CDK15: variants seen among roughly 807,000 people sequenced by gnomAD.
CDK15 encodes the protein cyclin-dependent kinase 15.
A neutral mutation model predicts 60.3 loss-of-function variants in CDK15; 62 were observed. The observed-to-expected ratio is 1.03, with a 90% CI of 0.84 to 1.27. The LOEUF is 1.27. Ranked by LOEUF, CDK15 falls within the 50% of genes most tolerant of loss-of-function variation. The probability of loss-of-function intolerance (pLI) is 0.00; values close to 1 mark genes in which losing one functional copy is unlikely to be tolerated. For synonymous variants in CDK15, 194 were observed against 195.7 expected (o/e 0.99, Z 0.07); for missense variants, 541 against 527.8 (o/e 1.03, Z -0.25).
rs183540554 is a variant in CDK15 at position 201,882,258 on chromosome 2, C to T, written c.1198+2091C>T. On this transcript the variant is annotated intron_variant, in intron 12 of 13. Coordinates refer to ENST00000652192, the MANE Select transcript of CDK15 (RefSeq NM_001366386.2). This position sits in a 1 kb window ranked among gnomAD's most constrained non-coding sequence, Gnocchi z 4.0. ...GAACAATCTGTATTCCTTCCCTGTT[C>T]GCCCAGTCACAGAGCCCAAATCTAC... Among the ~76,000 whole-genome samples, 239 of 151,634 alleles carry T rather than the reference C, an allele frequency of 1.6e-3. No homozygotes were observed. The highest frequency in any genetic ancestry group is 3.4e-3 in the Middle Eastern group (1 of 292).
At chr2:201,849,140 G>A (rs922949210) in intron 9 of CDK15, among the ~76,000 whole-genome samples, 4 of 152,082 alleles carry the variant, frequency 2.6e-5, no homozygotes, top group East Asian at 1.9e-4. Flanking sequence ...CTGAACTTTC[G>A]TTTCCTTGTC....
chr2:201,873,614 G>A (rs887036224), intron 11 of CDK15, among the ~76,000 whole-genome samples: 1 of 152,202 alleles, frequency 6.6e-6, no homozygotes, highest in South Asian at 2.1e-4. Context: ...TTCGAGGGCT[G>A]AGCAAGGCTT....
At chr2:201,835,034 G>A (rs749211992) in intron 7 of CDK15, among the ~76,000 whole-genome samples, 4 of 152,170 alleles carry the variant, frequency 2.6e-5, no homozygotes, top group Admixed American at 6.5e-5. Context: ...AGTCCCTACC[G>A]TTTATCTACT....
At chr2:201,812,659 C>A (rs750987427) in intron 4 of CDK15, 97 bp downstream of exon 4, 2 of 604,928 alleles carry the variant, frequency 3.3e-6, no homozygotes, top group South Asian at 3.2e-5. Flanking sequence ...AGTTTTGATT[C>A]TTCTGGAATA....
chr2:201,880,886 C>T (rs1390655108), intron 12 of CDK15, among the ~76,000 whole-genome samples: 1 of 151,806 alleles, frequency 6.6e-6, no homozygotes, highest in Non-Finnish European at 1.5e-5. Flanking sequence ...GAAAAAAAAT[C>T]CACCATTCAA....
intron 12 of CDK15, among the ~76,000 whole-genome samples, chr2:201,884,407 A>G (rs779154535): frequency 3.8e-4 from 58 of 152,256 alleles, no homozygotes; most frequent in Non-Finnish European, 6.6e-4. Context: ...ATATACACAT[A>G]GGGATGGAAG....
At chr2:201,877,444 T>C (rs1431102362) in intron 11 of CDK15, among the ~76,000 whole-genome samples, 1 of 152,142 alleles carries the variant, frequency 6.6e-6, no homozygotes, top group Non-Finnish European at 1.5e-5. Flanking sequence ...GAAGTTCATA[T>C]TTAACCAGAA....
In CDK15 at chr2:201,880,049, T is replaced by A. The variant is rs1368552952; in HGVS notation, c.1080T>A (p.Ala360=). The change falls in exon 12 of 14, where the codon GCT becomes GCA. Residue 360 remains alanine, a synonymous_variant. Transcript: ENST00000652192. ...VWNRLGRVPE[A]EDLASQMLKG... Reference sequence around the variant, plus strand: ...CCAGGCTGGGCAGGGTTCCTGAAGCTGAAGACCTGGCCTCCCAGATGCTAA... The same window carrying A: ...CCAGGCTGGGCAGGGTTCCTGAAGCAGAAGACCTGGCCTCCCAGATGCTAA... The A allele has an allele frequency of 1.2e-6, 2 of 1,614,158 alleles. No homozygotes were observed. Among genetic ancestry groups the A allele is most frequent in the Admixed American group, 3.3e-5 (2 of 60,012 alleles).
At chr2:201,865,361 CT>C (rs1698577405) in intron 10 of CDK15, among the ~76,000 whole-genome samples, 1 of 152,210 alleles carries the variant, frequency 6.6e-6, no homozygotes, top group Admixed American at 6.5e-5. Flanking sequence ...TTCCCTCCAC[CT>C]TCTCCATCCA....
chr2:201,820,923 G>A (rs988387591), intron 4 of CDK15, among the ~76,000 whole-genome samples: 2 of 152,192 alleles, frequency 1.3e-5, no homozygotes, highest in Non-Finnish European at 2.9e-5. Context: ...TAACAGGTGT[G>A]ATGGAGCTCC....
At chr2:201,834,042 G>T in intron 7 of CDK15, 71 bp downstream of exon 7, 2 of 1,549,040 alleles carry the variant, frequency 1.3e-6, no homozygotes, top group Non-Finnish European at 1.7e-6. Flanking sequence ...TTTAAGCGTT[G>T]ACTGGGCCTG....
rs969842226 is a variant in CDK15 at position 201,835,651 on chromosome 2, C to CG, written c.742dup (p.Ala248GlyfsTer22). ...TTTTCCCTTTTGGACAGGTCTTGCC[C>CG]GGGCCAAGTCCATTCCCAGCCAGAC... On this transcript the variant is annotated frameshift_variant, in exon 8 of 14. Transcript: ENST00000652192. LOFTEE classifies it high-confidence loss of function. 1 of 1,605,088 alleles carries CG rather than the reference C, an allele frequency of 6.2e-7. No homozygotes were observed. The highest frequency in any genetic ancestry group is 1.3e-5 in the African/African-American group (1 of 74,656).
chr2:201,818,639 T>C (rs1040355929), intron 4 of CDK15, among the ~76,000 whole-genome samples: 9 of 152,222 alleles, frequency 5.9e-5, no homozygotes, highest in African/African-American at 1.9e-4. Flanking sequence ...GTGAGATAAA[T>C]GCTTTAAACA....
chr2:201,816,077 T>G, intron 4 of CDK15, among the ~76,000 whole-genome samples: 1 of 152,232 alleles, frequency 6.6e-6, no homozygotes, highest in East Asian at 1.9e-4. Context: ...GAAATCTGTT[T>G]TTATTATACA....
intron 7 of CDK15, among the ~76,000 whole-genome samples, chr2:201,834,916 T>G (rs906186548): frequency 6.6e-6 from 1 of 152,208 alleles, no homozygotes; most frequent in Non-Finnish European, 1.5e-5. Flanking sequence ...CAACAATAGA[T>G]CATGCAATTC....
At position 201,880,183 on chromosome 2, in the gene CDK15, T is replaced by TGTGCGTGTGCGTGA. The variant is rs1431354110; in HGVS notation, c.1198+21_1198+34dup. 1 of 1,613,330 alleles carries TGTGCGTGTGCGTGA rather than the reference T, an allele frequency of 6.2e-7. No individual in the cohort carries two copies. Among genetic ancestry groups the TGTGCGTGTGCGTGA allele is most frequent in the Middle Eastern group, 1.7e-4 (1 of 6,054 alleles). On this transcript the variant is annotated intron_variant, in intron 12 of 13. Transcript: ENST00000652192. ...CTTCCTGATGGTGAGCGAGGGAGTG[T>TGTGCGTGTGCGTGA]GTGCGTGTGCGTGAGTGCATGTGCG...
chr2:201,814,929 T>G (rs1272847650), intron 4 of CDK15, among the ~76,000 whole-genome samples: 1 of 150,938 alleles, frequency 6.6e-6, no homozygotes, highest in African/African-American at 2.4e-5. Flanking sequence ...CTAGCAAAAG[T>G]ATGAACAGCA....
rs541448053 is a variant in CDK15 at position 201,880,172 on chromosome 2, G to A, written c.1198+5G>A. The A allele has an allele frequency of 2.5e-6, 4 of 1,613,808 alleles. No homozygotes were observed. On this transcript the variant is annotated splice_donor_5th_base_variant and intron_variant, in intron 12 of 13. Transcript: ENST00000652192. ...AGCTGTACCAGCTTCCTGATGGTGA[G>A]CGAGGGAGTGTGTGCGTGTGCGTGA...
At chr2:201,835,948 A>ATATATTTTTT (rs1156537092) in intron 8 of CDK15, among the ~76,000 whole-genome samples, 185 bp downstream of exon 8, 1 of 109,532 alleles carries the variant, frequency 9.1e-6, no homozygotes, top group East Asian at 4.1e-4. Context: ...TTATATATTT[A>ATATATTTTTT]TATATATTTG....
Sources: gnomAD v4.1 joint callset for allele counts (sites outside exome capture counted in the v4.1 genomes callset) on GRCh38, gnomAD v4.1.1 for gene constraint, Gnocchi (gnomAD v3.1) non-coding constraint, MANE v1.5 for transcripts, NCBI Gene and HGNC (gene_info 2026-07-23, HGNC 2026-07-21) for gene names.